Variants in USP49 observed in about 807,000 individuals in gnomAD.
The protein encoded by USP49 is ubiquitin specific peptidase 49, also known as ubiquitin carboxyl-terminal hydrolase 49.
Under a neutral mutation model 58.6 loss-of-function variants are expected in USP49, and 24 were observed. That is an observed-to-expected ratio of 0.41 (90% CI 0.30 to 0.58). USP49 has a LOEUF of 0.58. Ranked by LOEUF, USP49 falls within the 20% of genes least tolerant of loss-of-function variation. The probability of loss-of-function intolerance (pLI) is 0.30; values close to 1 mark genes in which losing one functional copy is unlikely to be tolerated. For missense variants in USP49, 703 were observed against 866.1 expected, an observed-to-expected ratio of 0.81 and a Z score of 2.36; for synonymous variants, 408 against 365.1, an observed-to-expected ratio of 1.12 and a Z score of -1.34.
At chr6:41,878,175 C>A (rs191527582) in intron 2 of USP49, among the ~76,000 whole-genome samples, 1 of 152,096 alleles carries the variant, frequency 6.6e-6, no homozygotes, top group African/African-American at 2.4e-5. Context: ...TCTTTGCTAC[C>A]AAAGAAAGCA....
At chr6:41,833,188 T>C (rs1043566281) in intron 3 of USP49, among the ~76,000 whole-genome samples, 15 of 151,290 alleles carry the variant, frequency 9.9e-5, no homozygotes, top group East Asian at 2.0e-4. Context: ...GGCGAATTTT[T>C]TGTATTTTTA....
At chr6:41,859,505 T>A (rs1181531336) in intron 3 of USP49, among the ~76,000 whole-genome samples, 1 of 152,164 alleles carries the variant, frequency 6.6e-6, no homozygotes, top group Admixed American at 6.5e-5. Context: ...TTATTCAGCA[T>A]CTACCATGCT....
intron 3 of USP49, among the ~76,000 whole-genome samples, chr6:41,824,712 C>T (rs533274266): frequency 6.6e-5 from 10 of 152,054 alleles, no homozygotes; most frequent in African/African-American, 1.9e-4. Context: ...GTCTCCAAAA[C>T]AAAAAACAAG....
chr6:41,823,831 G>C (rs1359800757), intron 3 of USP49, among the ~76,000 whole-genome samples: 1 of 152,012 alleles, frequency 6.6e-6, no homozygotes, highest in East Asian at 1.9e-4. Context: ...TGGAGGTGGT[G>C]GGGGGGTCGG....
chr6:41,804,911 G>C (rs1057163118), intron 4 of USP49, among the ~76,000 whole-genome samples: 1 of 152,140 alleles, frequency 6.6e-6, no homozygotes, highest in African/African-American at 2.4e-5. Context: ...ACCACGCCCG[G>C]CTAATTTTGT....
intron 3 of USP49, among the ~76,000 whole-genome samples, chr6:41,815,402 C>CAG: frequency 6.7e-6 from 1 of 149,528 alleles, no homozygotes; most frequent in East Asian, 2.0e-4. Flanking sequence ...GCCTGGGCGA[C>CAG]AGAGTGAGAC....
chr6:41,839,448 CATAA>C (rs1176866690), intron 3 of USP49, among the ~76,000 whole-genome samples: 1 of 88,794 alleles, frequency 1.1e-5, no homozygotes, highest in Non-Finnish European at 2.4e-5. Flanking sequence ...TCTGCAAGAG[CATAA>C]ATAGACAATC....
intron 3 of USP49, among the ~76,000 whole-genome samples, chr6:41,864,168 C>T (rs1774271295): frequency 1.3e-5 from 2 of 152,014 alleles, no homozygotes; most frequent in African/African-American, 2.4e-5. Flanking sequence ...TATGTTAAAC[C>T]CTGGACTTCC....
Position 41,806,867 on chromosome 6 carries a change from G to A in USP49, c.117C>T (p.Leu39=). 2.5e-6 allele frequency: 4 copies of A among 1,614,104 alleles called. No individual in the cohort carries two copies. Among genetic ancestry groups the A allele is most frequent in the African/African-American group, 1.3e-5 (1 of 75,030 alleles). ...CATTESVWAC[L]KCSHVACGRY... The stretch of plus-strand genomic sequence containing the variant: ...GGCCGCAGGCCACGTGGGAGCACTT[G>A]AGGCAGGCCCACACGGACTCGGTGG... The change falls in exon 4 of 8, where the codon CTC becomes CTT. Residue 39 remains leucine, a synonymous_variant. Coordinates refer to ENST00000682992, the MANE Select transcript of USP49 (RefSeq NM_001286554.2). The surrounding 1 kb of genome is among the most constrained non-coding windows in gnomAD (Gnocchi z 5.9).
At position 41,861,506 on chromosome 6, in the gene USP49, C is replaced by T. The variant is rs192797462; in HGVS notation, c.-29+10058G>A. On this transcript the variant is annotated intron_variant, in intron 3 of 7. Coordinates refer to ENST00000682992, the MANE Select transcript of USP49 (RefSeq NM_001286554.2). ...CATTAAAATTCTATAAGTATTCTCC[C>T]GCTGCTTTCTGTCTCCAGTAGCTTC... Among the ~76,000 whole-genome samples, 89 of 152,216 alleles carry T rather than the reference C, an allele frequency of 5.8e-4. No individual in the cohort carries two copies. In the South Asian group the frequency reaches 0.012, roughly 20 times the overall value.
At chr6:41,856,047 CAA>C (rs67430578) in intron 3 of USP49, among the ~76,000 whole-genome samples, 11 of 136,234 alleles carry the variant, frequency 8.1e-5, no homozygotes, top group Non-Finnish European at 1.4e-4. Flanking sequence ...GACTCCATCT[CAA>C]AAAAAAAAAA....
At chr6:41,867,376 ATCTT>A (rs931818962) in intron 3 of USP49, among the ~76,000 whole-genome samples, 7 of 152,286 alleles carry the variant, frequency 4.6e-5, no homozygotes, top group African/African-American at 1.7e-4. Context: ...GCACAGTTCA[ATCTT>A]TCTGTCTGCA....
chr6:41,851,032 CAG>C (rs1774018510), intron 3 of USP49, among the ~76,000 whole-genome samples: 1 of 152,078 alleles, frequency 6.6e-6, no homozygotes, highest in South Asian at 2.1e-4. Flanking sequence ...AGCCCAGGAC[CAG>C]ATGGCTTCAC....
Position 41,790,056 on chromosome 6 carries a change from GAAAA to G in USP49, c.*6473_*6476del, listed in dbSNP as rs879391631. On this transcript the variant is annotated 3_prime_UTR_variant, in exon 8 of 8. Coordinates refer to ENST00000682992, the MANE Select transcript of USP49 (RefSeq NM_001286554.2). ...AGGTGGTTTGCTTCATTTTAAAAGG[GAAAA>G]AAAAAAAAGGAAGCTGTAACCATAC... The G allele has an allele frequency of 2.1e-5, 3 of 141,496 alleles. No individual in the cohort carries two copies. Among genetic ancestry groups the G allele is most frequent in the East Asian group, 4.1e-4 (2 of 4,928 alleles). The allele number at this position is 141,496 out of a possible 1,614,324, so 8.8% of individuals were successfully genotyped here.
chr6:41,808,318 T>G lies in USP49; in HGVS notation c.-28-1307A>C, dbSNP rs557695309. Among the ~76,000 whole-genome samples, 17 of 149,736 alleles carry G rather than the reference T, an allele frequency of 1.1e-4. No individual in the cohort carries two copies. In the East Asian group the frequency reaches 2.3e-3, roughly 20 times the overall value. On this transcript the variant is annotated intron_variant, in intron 3 of 7. Transcript: ENST00000682992. ...AAACAGTAGAACATCCTAAGCATGT[T>G]TTTTTTTCCCCCTCCCAATAATGCT...
At chr6:41,805,094 G>C (rs1015257580) in intron 4 of USP49, among the ~76,000 whole-genome samples, 2 of 152,106 alleles carry the variant, frequency 1.3e-5, no homozygotes, top group Non-Finnish European at 1.5e-5. Context: ...GCATATTCTC[G>C]CAAGGCCCTG....
At chr6:41,881,130 C>T (rs894294974) in intron 2 of USP49, among the ~76,000 whole-genome samples, 2 of 151,350 alleles carry the variant, frequency 1.3e-5, no homozygotes, top group Non-Finnish European at 2.9e-5. Flanking sequence ...GATGGGGTTT[C>T]ACCATGTTGG....
Position 41,794,900 on chromosome 6 carries a change from T to G in USP49, c.*1633A>C, listed in dbSNP as rs1345577765. Reference sequence around the variant, plus strand: ...TTTTTGTCTGAATTTCCTCCATGTCTCAGTGCTGCCTGGCAGGGCCTATGG... The same window carrying G: ...TTTTTGTCTGAATTTCCTCCATGTCGCAGTGCTGCCTGGCAGGGCCTATGG... On this transcript the variant is annotated 3_prime_UTR_variant, in exon 8 of 8. Coordinates refer to ENST00000682992, the MANE Select transcript of USP49 (RefSeq NM_001286554.2). 1 of 152,232 alleles carries G rather than the reference T, an allele frequency of 6.6e-6. No homozygotes were observed. The highest frequency in any genetic ancestry group is 2.4e-5 in the African/African-American group (1 of 41,458). The allele number at this position is 152,232 out of a possible 1,614,324, so 9.4% of individuals were successfully genotyped here.
chr6:41,884,943 C>A lies in USP49; in HGVS notation c.-103+6851G>T, dbSNP rs555458726. On this transcript the variant is annotated intron_variant, in intron 2 of 7. Transcript: ENST00000682992. ...TAAATGACAAAGTTAAATGAAAAAT[C>A]AAAATACAAAAAGAACTCTGTAAGT... Among the ~76,000 whole-genome samples, 379 of 152,182 alleles carry A rather than the reference C, an allele frequency of 2.5e-3. 3 individuals carry two copies. Among genetic ancestry groups the A allele is most frequent in the African/African-American group, 8.6e-3 (359 of 41,508 alleles).
Sources: gnomAD v4.1 joint callset for allele counts (sites outside exome capture counted in the v4.1 genomes callset) on GRCh38, gnomAD v4.1.1 for gene constraint, Gnocchi (gnomAD v3.1) non-coding constraint, MANE v1.5 for transcripts, NCBI Gene and HGNC (gene_info 2026-07-23, HGNC 2026-07-21) for gene names.